The following ELAPOR2 variants were observed in gnomAD, a reference collection of about 807,000 sequenced individuals.
ELAPOR2 encodes endosome-lysosome associated apoptosis and autophagy regulator family member 2, also known as endosome/lysosome-associated apoptosis and autophagy regulator family member 2.
Under a neutral mutation model 120.7 loss-of-function variants are expected in ELAPOR2, and 89 were observed. The observed-to-expected ratio is 0.74, with a 90% CI of 0.62 to 0.88. ELAPOR2 has a LOEUF of 0.88. Among genes scored for constraint, ELAPOR2 ranks in the 40% least tolerant of loss-of-function variants. The pLI, the probability that ELAPOR2 is intolerant of heterozygous loss-of-function variation, is 0.00. For missense variants in ELAPOR2, 1,134 were observed against 1,251.6 expected (o/e 0.91, Z 1.42); for synonymous variants, 444 against 444.9 (o/e 1.00, Z 0.03).
At chr7:86,952,811 T>C (rs1168490832) in intron 2 of ELAPOR2, among the ~76,000 whole-genome samples, 1 of 152,114 alleles carries the variant, frequency 6.6e-6, no homozygotes, top group Non-Finnish European at 1.5e-5. Flanking sequence ...ATTAATAGTT[T>C]AGGCTGGACT....
intron 1 of ELAPOR2, among the ~76,000 whole-genome samples, chr7:86,991,786 T>C (rs1389870631): frequency 1.3e-5 from 2 of 152,192 alleles, no homozygotes; most frequent in East Asian, 1.9e-4. Flanking sequence ...GCTGCTAATG[T>C]TCCAGCCATT....
chr7:86,966,034 A>G (rs557874009), intron 1 of ELAPOR2: 2 of 835,424 alleles, frequency 2.4e-6, no homozygotes, highest in African/African-American at 3.7e-5. Flanking sequence ...ATAAGCTGAG[A>G]TTTCCCAAAT....
At chr7:87,042,552 T>G (rs1476676354) in intron 1 of ELAPOR2, among the ~76,000 whole-genome samples, 1 of 151,824 alleles carries the variant, frequency 6.6e-6, no homozygotes, top group African/African-American at 2.4e-5. Flanking sequence ...AAGATGTTCT[T>G]TGAAACCAAC....
intron 1 of ELAPOR2, among the ~76,000 whole-genome samples, chr7:87,007,635 A>G (rs540486218): frequency 1.4e-4 from 22 of 152,314 alleles, no homozygotes; most frequent in South Asian, 8.3e-4. Context: ...GGTTCAAGGA[A>G]TCAGGGCTTC....
intron 1 of ELAPOR2, among the ~76,000 whole-genome samples, chr7:87,007,559 A>G (rs1423904359): frequency 2.6e-5 from 4 of 152,196 alleles, no homozygotes; most frequent in African/African-American, 9.7e-5. Flanking sequence ...GATCTAGGGG[A>G]AAAAAGAACA....
At chr7:87,003,986 T>C (rs1221948415) in intron 1 of ELAPOR2, among the ~76,000 whole-genome samples, 1 of 152,076 alleles carries the variant, frequency 6.6e-6, no homozygotes, top group Non-Finnish European at 1.5e-5. Context: ...GCCTGCACAC[T>C]CCCAGGCTTC....
intron 2 of ELAPOR2, among the ~76,000 whole-genome samples, chr7:86,953,027 C>T (rs1451824068): frequency 6.8e-6 from 1 of 148,102 alleles, no homozygotes; most frequent in Non-Finnish European, 1.5e-5. Context: ...GCCTGGAAGA[C>T]AGAGTTTGCA....
rs1253060381 is a variant in ELAPOR2, at chr7:86,942,093, A to G, written c.666T>C (p.Asp222=). ...NIFFEFFIQN[D]QCQEMDTTTD... ...TGGTGGTGTCCATCTCCTGGCACTG[A>G]TCATTTTGAATCTGTGGATTAAACA... The change falls in exon 5 of 22, where the codon GAT becomes GAC. Residue 222 remains aspartate, a synonymous_variant. Coordinates refer to ENST00000450689, the MANE Select transcript of ELAPOR2 (RefSeq NM_001142749.3). 7 of 1,544,506 alleles carry G rather than the reference A, an allele frequency of 4.5e-6. No individual in the cohort carries two copies. Among genetic ancestry groups the G allele is most frequent in the Non-Finnish European group, 6.1e-6 (7 of 1,140,826 alleles).
At chr7:87,051,491 T>C (rs1187707795) in intron 1 of ELAPOR2, among the ~76,000 whole-genome samples, 1 of 152,230 alleles carries the variant, frequency 6.6e-6, no homozygotes, top group East Asian at 1.9e-4. Flanking sequence ...ATAACTGATA[T>C]TGGCGACTGC....
chr7:86,910,893 C>G (rs1789273777), intron 15 of ELAPOR2, among the ~76,000 whole-genome samples: 1 of 152,012 alleles, frequency 6.6e-6, no homozygotes, highest in Non-Finnish European at 1.5e-5. Context: ...TGCTACCAGG[C>G]CTTCTGACAA....
intron 2 of ELAPOR2, among the ~76,000 whole-genome samples, chr7:86,962,248 G>T (rs1356673762): frequency 6.6e-6 from 1 of 151,954 alleles, no homozygotes; most frequent in Non-Finnish European, 1.5e-5. Flanking sequence ...CTCAGGAAAG[G>T]CCTCCCCCAC....
In ELAPOR2 at chr7:87,059,628, G is replaced by T. The variant is rs1795376258; in HGVS notation, c.-115C>A. 5.7e-6 allele frequency: 6 copies of T among 1,060,104 alleles called. No homozygotes were observed. Among genetic ancestry groups the T allele is most frequent in the Non-Finnish European group, 5.7e-6 (5 of 870,292 alleles). 65.7% of individuals were successfully genotyped at this position (1,060,104 alleles called of 1,614,324 possible). Reference sequence around the variant, plus strand: ...CGCTCGTCTCGCCGCTCCGTCACCCGCTGCCCGTCCGCCCGCTGACAGCTC... The same window carrying T: ...CGCTCGTCTCGCCGCTCCGTCACCCTCTGCCCGTCCGCCCGCTGACAGCTC... On this transcript the variant is annotated 5_prime_UTR_variant, in exon 1 of 22. Transcript: ENST00000450689.
Position 86,884,459 on chromosome 7 carries a change from C to T in ELAPOR2, c.3031-3929G>A, listed in dbSNP as rs184472962. 1.5e-3 allele frequency among the ~76,000 whole-genome samples: 226 copies of T among 152,228 alleles called. 1 individual carries two copies. The highest frequency in any genetic ancestry group is 2.4e-3 in the Non-Finnish European group (164 of 68,022). ...TAGGCAGATTTTACAAAACTGAACC[C>T]GGATTGAAAATACAGCATTGGTGGG... On this transcript the variant is annotated intron_variant, in intron 21 of 21. Transcript: ENST00000450689.
rs1315159976 is a variant in ELAPOR2, at chr7:86,909,884, T to C, written c.2287A>G (p.Ile763Val). 3.1e-6 allele frequency: 5 copies of C among 1,613,438 alleles called. No individual in the cohort carries two copies. Among genetic ancestry groups the C allele is most frequent in the Non-Finnish European group, 4.2e-6 (5 of 1,179,648 alleles). Residue 763 changes from isoleucine to valine, a missense_variant, in exon 16 of 22, where the codon ATT becomes GTT. Ile to Val is a conservative substitution (Grantham distance 29, BLOSUM62 3). Coordinates refer to ENST00000450689, the MANE Select transcript of ELAPOR2 (RefSeq NM_001142749.3). ...VGAFVCQSTI[I>V]PSESKGFRAA... ...CGGAAACCCTTACTTTCAGAAGGAA[T>C]AATTGTTGACTGGCATACAAATGCC... is the stretch of plus-strand genomic sequence containing the variant.
At chr7:86,881,855 T>C (rs1799423828) in intron 21 of ELAPOR2, among the ~76,000 whole-genome samples, 1 of 152,194 alleles carries the variant, frequency 6.6e-6, no homozygotes, top group Non-Finnish European at 1.5e-5. Flanking sequence ...CAGTCTCACA[T>C]GCAAATAGAT....
At chr7:86,949,698 C>T (rs900815121) in intron 2 of ELAPOR2, among the ~76,000 whole-genome samples, 2 of 152,228 alleles carry the variant, frequency 1.3e-5, no homozygotes, top group African/African-American at 4.8e-5. Flanking sequence ...AATCTCAGAG[C>T]AAGGTTGGGG....
At chr7:87,018,338 C>T (rs1325274284) in intron 1 of ELAPOR2, among the ~76,000 whole-genome samples, 2 of 152,042 alleles carry the variant, frequency 1.3e-5, no homozygotes, top group African/African-American at 4.8e-5. Context: ...CACGCCCGGC[C>T]AGAAAAGTCA....
chr7:87,046,673 G>A (rs1163372208), intron 1 of ELAPOR2, among the ~76,000 whole-genome samples: 1 of 152,152 alleles, frequency 6.6e-6, no homozygotes, highest in Admixed American at 6.5e-5. Context: ...ATCTGATGAT[G>A]TCATAAGTCT....
rs77990028 is a variant in ELAPOR2 at position 86,991,461 on chromosome 7, G to T, written c.190-26437C>A. ...TCACCTCCAGATTTCTTTGTTTCTAGTGATATTACCATCATAGATGTGGTC... is the reference window on the plus strand; with the variant it reads ...TCACCTCCAGATTTCTTTGTTTCTATTGATATTACCATCATAGATGTGGTC... On this transcript the variant is annotated intron_variant, in intron 1 of 21. Transcript: ENST00000450689. 1.9e-3 allele frequency among the ~76,000 whole-genome samples: 288 copies of T among 152,140 alleles called. 1 individual carries two copies. Among genetic ancestry groups the T allele is most frequent in the African/African-American group, 6.3e-3 (263 of 41,502 alleles).
Sources: allele counts gnomAD v4.1 joint callset (sites outside exome capture counted in the v4.1 genomes callset), GRCh38; gene constraint gnomAD v4.1.1; transcripts MANE v1.5; gene names NCBI Gene and HGNC (gene_info 2026-07-23, HGNC 2026-07-21).